Variants in EYS observed in about 807,000 individuals in gnomAD.
EYS encodes the protein EGF-like photoreceptor maintenance factor, also known as protein eyes shut homolog.
Under a neutral mutation model 282.1 loss-of-function variants are expected in EYS, and 250 were observed. That is an observed-to-expected ratio of 0.89 (90% CI 0.80 to 0.98). The LOEUF (loss-of-function observed/expected upper bound fraction) is 0.98, where lower values mean the gene tolerates loss of function less well. Ranked by LOEUF, EYS falls within the 50% of genes least tolerant of loss-of-function variation. The pLI is 0.00. For synonymous variants in EYS, 1,355 were observed against 1,282.9 expected (o/e 1.06, Z -1.20); for missense variants, 4,016 against 3,709.0 (o/e 1.08, Z -2.15).
chr6:64,900,856 A>G (rs1204392496), intron 18 of EYS, among the ~76,000 whole-genome samples: 1 of 152,154 alleles, frequency 6.6e-6, no homozygotes, highest in Admixed American at 6.5e-5. Context: ...ATCTAGAACT[A>G]GAAATACCAT....
chr6:64,751,223 C>T (rs895081902), intron 22 of EYS, among the ~76,000 whole-genome samples: 1 of 152,136 alleles, frequency 6.6e-6, no homozygotes, highest in Non-Finnish European at 1.5e-5. Flanking sequence ...CACATTTGCT[C>T]CCCTGGTTTT....
chr6:64,763,520 C>A (rs931126076), intron 22 of EYS, among the ~76,000 whole-genome samples: 18 of 152,134 alleles, frequency 1.2e-4, no homozygotes, highest in African/African-American at 4.3e-4. Flanking sequence ...GTCCTTTCCC[C>A]AACACTAAAA....
At chr6:64,424,391 AT>A (rs1246335969) in intron 28 of EYS, among the ~76,000 whole-genome samples, 1 of 152,176 alleles carries the variant, frequency 6.6e-6, no homozygotes, top group Admixed American at 6.6e-5. Flanking sequence ...GATGTACCAG[AT>A]TTTTACCCAG....
intron 11 of EYS, among the ~76,000 whole-genome samples, chr6:65,310,472 T>G (rs1769126914): frequency 6.6e-6 from 1 of 151,978 alleles, no homozygotes; most frequent in Non-Finnish European, 1.5e-5. Flanking sequence ...GTTCCCTCCC[T>G]CACACACTAT....
chr6:64,545,810 A>G (rs1764841350), intron 26 of EYS, among the ~76,000 whole-genome samples: 1 of 152,200 alleles, frequency 6.6e-6, no homozygotes, highest in African/African-American at 2.4e-5. Context: ...AATCCAACTT[A>G]CAAGGGACGT....
chr6:65,453,456 T>C (rs1764483258), intron 5 of EYS, among the ~76,000 whole-genome samples: 1 of 152,070 alleles, frequency 6.6e-6, no homozygotes, highest in Non-Finnish European at 1.5e-5. Context: ...TACATATCTA[T>C]GCTGCATAAT....
At chr6:64,328,416 G>A (rs1770509768) in intron 29 of EYS, among the ~76,000 whole-genome samples, 1 of 152,124 alleles carries the variant, frequency 6.6e-6, no homozygotes, top group Admixed American at 6.5e-5. Context: ...ACTCCTAAAT[G>A]GAATAAAGGC....
chr6:63,831,133 T>C (rs1213373907), intron 36 of EYS, among the ~76,000 whole-genome samples: 1 of 152,102 alleles, frequency 6.6e-6, no homozygotes, highest in Non-Finnish European at 1.5e-5. Context: ...TAAAGACCAT[T>C]GATGCTAAGA....
chr6:64,774,057 T>A (rs1008421445), intron 22 of EYS, among the ~76,000 whole-genome samples: 6 of 151,942 alleles, frequency 3.9e-5, no homozygotes, highest in African/African-American at 1.4e-4. Context: ...AGCATTTTTG[T>A]TTACTTCTGT....
chr6:65,277,188 A>C (rs917315924), intron 12 of EYS, among the ~76,000 whole-genome samples: 2 of 152,146 alleles, frequency 1.3e-5, no homozygotes, highest in African/African-American at 4.8e-5. Context: ...TAATTCCAGC[A>C]CTTTGGGAGG....
chr6:63,835,563 G>C (rs1425937313), intron 36 of EYS, among the ~76,000 whole-genome samples: 4 of 151,952 alleles, frequency 2.6e-5, no homozygotes, highest in African/African-American at 9.7e-5. Flanking sequence ...TGATACAATG[G>C]ACTTTGGAGA....
intron 10 of EYS, among the ~76,000 whole-genome samples, chr6:65,342,291 T>G (rs9445509): frequency 1.6e-4 from 24 of 150,884 alleles, no homozygotes; most frequent in African/African-American, 5.8e-4. Flanking sequence ...ATTGTCTGAT[T>G]ACACAATCTA....
At chr6:64,654,048 T>C (rs1448076752) in intron 22 of EYS, among the ~76,000 whole-genome samples, 1 of 152,200 alleles carries the variant, frequency 6.6e-6, no homozygotes, top group Non-Finnish European at 1.5e-5. Flanking sequence ...TATTCCTTTT[T>C]CTGCATTCAG....
At chr6:64,233,263 T>C (rs944820917) in intron 30 of EYS, among the ~76,000 whole-genome samples, 4 of 152,190 alleles carry the variant, frequency 2.6e-5, no homozygotes, top group African/African-American at 9.6e-5. Context: ...CATTAATCAT[T>C]TGATCTTTGT....
intron 28 of EYS, among the ~76,000 whole-genome samples, chr6:64,412,974 G>A (rs1773950208): frequency 6.6e-6 from 1 of 152,144 alleles, no homozygotes; most frequent in African/African-American, 2.4e-5. Flanking sequence ...GCATGCCTGT[G>A]GAGGAGGATA....
intron 2 of EYS, among the ~76,000 whole-genome samples, chr6:65,544,969 A>G (rs891536841): frequency 2.6e-5 from 4 of 152,160 alleles, no homozygotes; most frequent in African/African-American, 9.6e-5. Context: ...TAATTTTTAA[A>G]GTTTTATGTA....
At chr6:64,892,617 A>T (rs960829529) in intron 18 of EYS, among the ~76,000 whole-genome samples, 1 of 152,044 alleles carries the variant, frequency 6.6e-6, no homozygotes, top group Non-Finnish European at 1.5e-5. Context: ...TTTTACTTAG[A>T]ATATGAATAA....
chr6:65,036,812 G>C, intron 13 of EYS, among the ~76,000 whole-genome samples: 1 of 151,886 alleles, frequency 6.6e-6, no homozygotes. Flanking sequence ...AAAAATAACA[G>C]ATGTCGGTGA....
chr6:65,667,365 C>A (rs1768236617), intron 1 of EYS, among the ~76,000 whole-genome samples: 1 of 151,880 alleles, frequency 6.6e-6, no homozygotes, highest in South Asian at 2.1e-4. Context: ...ATACCATTCT[C>A]TTTCTCACTT....
Sources: allele counts gnomAD v4.1 joint callset (sites outside exome capture counted in the v4.1 genomes callset), GRCh38; gene constraint gnomAD v4.1.1; transcripts MANE v1.5; gene names NCBI Gene and HGNC (gene_info 2026-07-23, HGNC 2026-07-21).